Variants in ERBB4 observed in about 807,000 individuals in gnomAD.
ERBB4 encodes the protein receptor tyrosine-protein kinase erbB-4.
In ERBB4, 42 loss-of-function variants were observed where a neutral mutation model predicts 158.0. That is an observed-to-expected ratio of 0.27 (90% CI 0.21 to 0.34). The LOEUF (loss-of-function observed/expected upper bound fraction) is 0.34, where lower values mean the gene tolerates loss of function less well. ERBB4 is among the 10% of genes least tolerant of loss of function. The pLI is 1.00. For missense variants in ERBB4, 1,333 were observed against 1,624.1 expected, an observed-to-expected ratio of 0.82 and a Z score of 3.08; for synonymous variants, 583 against 558.7, an observed-to-expected ratio of 1.04 and a Z score of -0.61.
chr2:211,889,264 G>A lies in ERBB4; in HGVS notation c.421+58166C>T, dbSNP rs1019982795. 1.0e-3 allele frequency among the ~76,000 whole-genome samples: 146 copies of A among 144,366 alleles called. 13 individuals are homozygous for A. Among genetic ancestry groups the A allele is most frequent in the African/African-American group, 3.9e-3 (140 of 36,348 alleles). The allele number at this position is 144,366 out of a possible 152,430, so 94.7% of individuals were successfully genotyped here. ...CCCCTGACCCCCGAGCAGCCTAACT[G>A]GGAGGCACCCCCCAGCCGGGGCACA... On this transcript the variant is annotated intron_variant, in intron 3 of 27. Coordinates refer to ENST00000342788, the MANE Select transcript of ERBB4 (RefSeq NM_005235.3).
chr2:212,113,297 C>T (rs111670839), intron 2 of ERBB4, among the ~76,000 whole-genome samples: 2 of 152,038 alleles, frequency 1.3e-5, no homozygotes, highest in African/African-American at 4.8e-5. Context: ...TGGGTATGGC[C>T]GGGTGCGGTG....
chr2:211,700,475 G>A (rs1462921911), intron 12 of ERBB4, among the ~76,000 whole-genome samples: 1 of 152,130 alleles, frequency 6.6e-6, no homozygotes, highest in Non-Finnish European at 1.5e-5. Flanking sequence ...TGTTGTAATA[G>A]ATCTCCTTTA....
chr2:211,531,430 A>C (rs1417085956), intron 20 of ERBB4, among the ~76,000 whole-genome samples: 2 of 152,154 alleles, frequency 1.3e-5, no homozygotes, highest in Non-Finnish European at 2.9e-5. Flanking sequence ...ACAAGGGATT[A>C]ATAACCAGAA....
intron 20 of ERBB4, among the ~76,000 whole-genome samples, chr2:211,501,191 G>A (rs182914091): frequency 2.0e-5 from 3 of 151,946 alleles, no homozygotes; most frequent in Admixed American, 2.0e-4. Context: ...TTCCCTCACA[G>A]AAGAAAGATT....
At chr2:212,452,774 T>C (rs753576525) in intron 1 of ERBB4, among the ~76,000 whole-genome samples, 44 of 152,128 alleles carry the variant, frequency 2.9e-4, no homozygotes, top group Non-Finnish European at 5.6e-4. Flanking sequence ...TTAATTCCTC[T>C]CCACAGTGCT....
At chr2:211,750,575 T>C (rs2075102729) in intron 5 of ERBB4, 64 bp downstream of exon 5, 3 of 1,360,736 alleles carry the variant, frequency 2.2e-6, no homozygotes, top group South Asian at 1.2e-5. Context: ...AGGCATGAAA[T>C]GGACCAATCA....
chr2:212,040,542 C>A (rs965181304), intron 2 of ERBB4, among the ~76,000 whole-genome samples: 3 of 151,954 alleles, frequency 2.0e-5, no homozygotes, highest in Non-Finnish European at 4.4e-5. Flanking sequence ...ATAAATCTAG[C>A]CCTTTTTTGT....
At chr2:212,071,466 C>T (rs1017155561) in intron 2 of ERBB4, among the ~76,000 whole-genome samples, 6 of 151,808 alleles carry the variant, frequency 4.0e-5, no homozygotes, top group Non-Finnish European at 8.8e-5. Flanking sequence ...GGTAATGCAG[C>T]CTAAGGTTTT....
chr2:212,342,670 GTAAT>G (rs1466461583), intron 1 of ERBB4, among the ~76,000 whole-genome samples: 1 of 152,122 alleles, frequency 6.6e-6, no homozygotes, highest in Non-Finnish European at 1.5e-5. Context: ...TGCACCAACA[GTAAT>G]TACTCATACC....
chr2:212,338,513 G>C (rs1008495351), intron 1 of ERBB4, among the ~76,000 whole-genome samples: 3 of 152,056 alleles, frequency 2.0e-5, no homozygotes, highest in African/African-American at 7.2e-5. Flanking sequence ...CACTTCACCA[G>C]ATAAATGTTT....
At chr2:212,495,302 C>T (rs1216808502) in intron 1 of ERBB4, among the ~76,000 whole-genome samples, 1 of 152,082 alleles carries the variant, frequency 6.6e-6, no homozygotes, top group Admixed American at 6.6e-5. Context: ...TCCTCTGTGC[C>T]CTGTGATTCA....
At chr2:211,667,443 G>GAAA (rs561735051) in intron 14 of ERBB4, among the ~76,000 whole-genome samples, 1 of 110,252 alleles carries the variant, frequency 9.1e-6, no homozygotes, top group South Asian at 2.9e-4. Flanking sequence ...CTCAGAGCTC[G>GAAA]AAAAAAAAAA....
At chr2:212,053,206 A>G (rs1221504310) in intron 2 of ERBB4, among the ~76,000 whole-genome samples, 1 of 152,102 alleles carries the variant, frequency 6.6e-6, no homozygotes, top group Non-Finnish European at 1.5e-5. Flanking sequence ...ATAAAATGGT[A>G]CATATCATTT....
intron 7 of ERBB4, among the ~76,000 whole-genome samples, chr2:211,714,468 T>C (rs1022206517): frequency 3.9e-5 from 6 of 152,174 alleles, no homozygotes; most frequent in Admixed American, 6.5e-5. Context: ...ATATGATGTA[T>C]ATCTAGGCTG....
intron 1 of ERBB4, among the ~76,000 whole-genome samples, chr2:212,366,280 C>G (rs2089886715): frequency 6.6e-6 from 1 of 151,870 alleles, no homozygotes; most frequent in African/African-American, 2.4e-5. Context: ...ACTGTGTGGC[C>G]TGGTTTGTGC....
intron 3 of ERBB4, among the ~76,000 whole-genome samples, chr2:211,816,786 G>C (rs2076889156): frequency 6.6e-6 from 1 of 151,938 alleles, no homozygotes. Flanking sequence ...TAATCAAAAA[G>C]TGAATCAATA....
At chr2:211,954,621 A>C (rs1229813836) in intron 2 of ERBB4, among the ~76,000 whole-genome samples, 1 of 152,108 alleles carries the variant, frequency 6.6e-6, no homozygotes, top group East Asian at 1.9e-4. Flanking sequence ...GTAGTATCAC[A>C]GAGAAGAGTA....
intron 20 of ERBB4, among the ~76,000 whole-genome samples, chr2:211,549,593 C>T (rs1018901142): frequency 3.3e-5 from 5 of 152,126 alleles, no homozygotes; most frequent in Non-Finnish European, 7.4e-5. Context: ...TCACCCTAGT[C>T]ACCCCAGTCT....
rs1272050293 is a variant in ERBB4 at position 211,909,794 on chromosome 2, T to C, written c.421+37636A>G. Among the ~76,000 whole-genome samples the C allele has an allele frequency of 4.6e-5, 7 of 151,952 alleles. 1 individual carries two copies. In the East Asian group the frequency reaches 1.4e-3, roughly 30 times the overall value. The stretch of plus-strand genomic sequence containing the variant: ...TGTGTGTACACTCATTACTTTTCCA[T>C]TTAAATACTCGATGTGAGGAGAAGA... On this transcript the variant is annotated intron_variant, in intron 3 of 27. Transcript: ENST00000342788.
Sources: gnomAD v4.1 joint callset for allele counts (sites outside exome capture counted in the v4.1 genomes callset) on GRCh38, gnomAD v4.1.1 for gene constraint, MANE v1.5 for transcripts, NCBI Gene and HGNC (gene_info 2026-07-23, HGNC 2026-07-21) for gene names.